ABCC2: variants seen among roughly 807,000 people sequenced by gnomAD.
The protein encoded by ABCC2 is ATP binding cassette subfamily C member 2.
A neutral mutation model predicts 173.4 loss-of-function variants in ABCC2; 157 were observed. That is an observed-to-expected ratio of 0.91 (90% CI 0.80 to 1.03). The LOEUF is 1.03. Among genes scored for constraint, ABCC2 ranks in the 50% least tolerant of loss-of-function variants. The pLI is 0.00. For missense variants in ABCC2, 1,822 were observed against 1,852.3 expected, an observed-to-expected ratio of 0.98 and a Z score of 0.30; for synonymous variants, 657 against 693.5, an observed-to-expected ratio of 0.95 and a Z score of 0.83.
At chr10:99,809,502 C>G (rs1201105928) in intron 13 of ABCC2, among the ~76,000 whole-genome samples, 1 of 152,214 alleles carries the variant, frequency 6.6e-6, no homozygotes, top group African/African-American at 2.4e-5. Flanking sequence ...AGGCAGAAAG[C>G]CTAAGACTTC....
At chr10:99,813,341 T>G (rs1354055331) in intron 16 of ABCC2, among the ~76,000 whole-genome samples, 197 bp downstream of exon 16, 1 of 152,234 alleles carries the variant, frequency 6.6e-6, no homozygotes, top group Non-Finnish European at 1.5e-5. Context: ...GGAATCTGCA[T>G]TTTTAATGAG....
intron 24 of ABCC2, 72 bp downstream of exon 24, chr10:99,834,607 T>A (rs1490151698): frequency 7.1e-6 from 11 of 1,543,204 alleles, no homozygotes; most frequent in Non-Finnish European, 7.2e-6. Context: ...TTCCTGAGAA[T>A]CTTCTCTCTG....
rs555399192 is a variant in ABCC2 at position 99,786,154 on chromosome 10, G to A, written c.207+1373G>A. Among the ~76,000 whole-genome samples the A allele has an allele frequency of 5.3e-5, 8 of 152,230 alleles. No individual in the cohort carries two copies. The South Asian group carries it at 1.5e-3, about 28-fold the overall frequency. ...GTGTTAAATGCATTCTGGGAATAGT[G>A]GTTGATTCAAGAGTAGGTTAGAGCT... On this transcript the variant is annotated intron_variant, in intron 2 of 31. Transcript: ENST00000647814.
rs1402929399 is a variant in ABCC2 at position 99,850,778 on chromosome 10, C to A, written c.4490C>A (p.Thr1497Asn). ...TVITIAHRLH[T>N]IMDSDKVMVL... ...ATCACCATCGCCCACAGGCTGCACA[C>A]CATCATGGACAGTGACAAGTGAGTG... Residue 1497 changes from threonine to asparagine, a missense_variant, in exon 31 of 32, where the codon ACC becomes AAC. Thr to Asn is a moderately conservative substitution (Grantham distance 65). Coordinates refer to ENST00000647814, the MANE Select transcript of ABCC2 (RefSeq NM_000392.5). 1.2e-6 allele frequency: 2 copies of A among 1,614,194 alleles called. No individual in the cohort carries two copies. The highest frequency in any genetic ancestry group is 1.1e-5 in the South Asian group (1 of 91,088).
At position 99,797,204 on chromosome 10, in the gene ABCC2, A is replaced by G. The variant is rs1458417288; in HGVS notation, c.740A>G (p.Lys247Arg). 3 of 1,614,184 alleles carry G rather than the reference A, an allele frequency of 1.9e-6. No homozygotes were observed. The highest frequency in any genetic ancestry group is 1.7e-5 in the Admixed American group (1 of 60,020). Reference protein sequence around the residue: ...TLVSKFETHMKRELQKARRAL... With the variant: ...TLVSKFETHMRRELQKARRAL... ...GTGAGCAAGTTTGAAACGCACATGA[A>G]GAGAGAGCTGCAGAAAGCCAGGCGG... is the stretch of plus-strand genomic sequence containing the variant. Residue 247 changes from lysine to arginine, a missense_variant, in exon 7 of 32, where the codon AAG (lysine) becomes AGG (arginine). Lys to Arg is a conservative substitution (Grantham distance 26). Transcript: ENST00000647814.
chr10:99,804,154 G>A lies in ABCC2; in HGVS notation c.1345G>A (p.Val449Ile). Residue 449 changes from valine to isoleucine, a missense_variant, in exon 10 of 32, where the codon GTC becomes ATC. Coordinates refer to ENST00000647814, the MANE Select transcript of ABCC2 (RefSeq NM_000392.5). ...HMLWSSVLQI[V>I]LSIFFLWREL... ...GCTGTGGTCAAGTGTTCTACAGATT[G>A]TCTTATCTATCTTCTTCCTATGGAG... 2 of 1,614,134 alleles carry A rather than the reference G, an allele frequency of 1.2e-6. No individual in the cohort carries two copies. The highest frequency in any genetic ancestry group is 2.2e-5 in the East Asian group (1 of 44,866).
intron 19 of ABCC2, 102 bp from the exon 20 acceptor site, chr10:99,830,205 T>C (rs2038713482): frequency 6.8e-7 from 1 of 1,464,166 alleles, no homozygotes; most frequent in Non-Finnish European, 9.5e-7. Flanking sequence ...CTGGGATCCC[T>C]TGCTGAAACC....
rs1430425737 is a variant in ABCC2, at chr10:99,808,220, C to T, written c.1806C>T (p.Ser602=). Residue 602 remains serine, a synonymous_variant, in exon 13 of 32, where the codon TCC becomes TCT. Transcript: ENST00000647814. ...PLSMLPMMIS[S]MLQASVSTER... is the part of the protein sequence containing the mutation. ...GCATGCTTCCCATGATGATCTCCTC[C>T]ATGCTCCAGGTAGGTCGGCATTCTC... The T allele has an allele frequency of 6.2e-7, 1 of 1,614,106 alleles. No individual in the cohort carries two copies.
chr10:99,850,534 G>A, intron 30 of ABCC2, 68 bp from the exon 31 acceptor site: 1 of 1,491,190 alleles, frequency 6.7e-7, no homozygotes, highest in Non-Finnish European at 9.2e-7. Flanking sequence ...ACATGAAAAT[G>A]GTCCCCCTGC....
chr10:99,784,536 G>A, intron 1 of ABCC2, 72 bp from the exon 2 acceptor site: 2 of 1,471,082 alleles, frequency 1.4e-6, no homozygotes, highest in South Asian at 2.3e-5. Context: ...TGAAAGCAGT[G>A]GGATGTGCTG....
intron 28 of ABCC2, among the ~76,000 whole-genome samples, chr10:99,845,325 G>A (rs1372597607): frequency 6.6e-6 from 1 of 152,108 alleles, no homozygotes; most frequent in African/African-American, 2.4e-5. Flanking sequence ...GAGCCACCAC[G>A]CCTGGCCTAA....
chr10:99,784,911 G>T, intron 2 of ABCC2, 130 bp downstream of exon 2: 2 of 1,173,256 alleles, frequency 1.7e-6, no homozygotes, highest in South Asian at 2.7e-5. Flanking sequence ...GGTAGAGCCA[G>T]GCTCAAGGTT....
intron 2 of ABCC2, among the ~76,000 whole-genome samples, chr10:99,790,266 A>G (rs1260701616): frequency 6.6e-6 from 1 of 152,208 alleles, no homozygotes; most frequent in Non-Finnish European, 1.5e-5. Flanking sequence ...GTTATGTTTC[A>G]AATTATATAT....
chr10:99,799,689 G>A (rs2037980849), intron 8 of ABCC2, among the ~76,000 whole-genome samples: 1 of 152,126 alleles, frequency 6.6e-6, no homozygotes, highest in Admixed American at 6.6e-5. Flanking sequence ...CCCCTGGAGA[G>A]TAACTGACTT....
At chr10:99,794,551 A>ATT in intron 6 of ABCC2, 83 bp downstream of exon 6, 19 of 1,273,938 alleles carry the variant, frequency 1.5e-5, no homozygotes, top group East Asian at 5.3e-5. Flanking sequence ...TTATTTTATT[A>ATT]TTTTTTTTTT....
At position 99,789,731 on chromosome 10, in the gene ABCC2, A is replaced by G. The variant is rs2132957955; in HGVS notation, c.208-2503A>G. ...TCTCAAAAAAAAAAAAAAAAAGAAA[A>G]AGGAAAAGAAAAAGAAAGAAAAGGA... On this transcript the variant is annotated intron_variant, in intron 2 of 31. Transcript: ENST00000647814. 2.8e-5 allele frequency among the ~76,000 whole-genome samples: 4 copies of G among 144,790 alleles called. No homozygotes were observed. In the South Asian group the frequency reaches 9.0e-4, roughly 33 times the overall value. The allele number at this position is 144,790 out of a possible 152,430, so 95.0% of individuals were successfully genotyped here. A position where few individuals can be genotyped will look rare whatever the true frequency, so the allele number is the denominator to read the frequency against.
intron 29 of ABCC2, 150 bp downstream of exon 29, chr10:99,845,932 C>A: frequency 1.1e-6 from 1 of 906,132 alleles, no homozygotes. Context: ...AGGATGGACA[C>A]GTCATTTCCA....
intron 16 of ABCC2, among the ~76,000 whole-genome samples, chr10:99,814,524 TATATATAC>T: frequency 3.8e-5 from 1 of 26,588 alleles, no homozygotes; most frequent in African/African-American, 1.2e-4. Context: ...TATATATACA[TATATATAC>T]ACATATACAC....
intron 27 of ABCC2, 78 bp from the exon 28 acceptor site, chr10:99,844,244 A>G (rs889609930): frequency 1.3e-6 from 2 of 1,571,778 alleles, no homozygotes; most frequent in African/African-American, 2.7e-5. Context: ...CTCCTGTTCT[A>G]TGACACGAGT....
Sources: allele counts gnomAD v4.1 joint callset (sites outside exome capture counted in the v4.1 genomes callset), GRCh38; gene constraint gnomAD v4.1.1; transcripts MANE v1.5; gene names NCBI Gene and HGNC (gene_info 2026-07-23, HGNC 2026-07-21).